DNER: variants seen among roughly 807,000 people sequenced by gnomAD.
DNER encodes the protein delta/notch like EGF repeat containing, also known as delta and Notch-like epidermal growth factor-related receptor.
DNER carries 33 observed loss-of-function variants against 78.2 expected under a neutral mutation model. The ratio of observed to expected loss-of-function variants is 0.42; its 90% CI spans 0.32 to 0.56. DNER has a LOEUF of 0.56. Among genes scored for constraint, DNER ranks in the 20% least tolerant of loss-of-function variants. The pLI, the probability that DNER is intolerant of heterozygous loss-of-function variation, is 0.11. For synonymous variants in DNER, 417 were observed against 384.8 expected (o/e 1.08, Z -0.98); for missense variants, 918 against 975.3 (o/e 0.94, Z 0.78).
intron 6 of DNER, among the ~76,000 whole-genome samples, chr2:229,477,985 A>G (rs1415857385): frequency 6.6e-6 from 1 of 152,246 alleles, no homozygotes; most frequent in Non-Finnish European, 1.5e-5. Flanking sequence ...ATACTTCCAG[A>G]ATTTTGTTTA....
chr2:229,568,985 ATG>A (rs576619467), intron 4 of DNER, among the ~76,000 whole-genome samples: 51 of 152,252 alleles, frequency 3.3e-4, no homozygotes, highest in African/African-American at 1.1e-3. Flanking sequence ...ATGTGTATCT[ATG>A]TGTGTGCATA....
chr2:229,551,949 T>TAAATAAATAAATAAATA (rs1482741858), intron 4 of DNER, among the ~76,000 whole-genome samples: 3 of 150,938 alleles, frequency 2.0e-5, no homozygotes, highest in African/African-American at 7.4e-5. Context: ...AATAAATAAA[T>TAAATAAATAAATAAATA]AAATAAATAA....
intron 6 of DNER, among the ~76,000 whole-genome samples, chr2:229,491,807 C>T (rs1039303575): frequency 6.6e-6 from 1 of 152,044 alleles, no homozygotes; most frequent in Admixed American, 6.6e-5. Context: ...TGGTAAAATC[C>T]CATCTCAATT....
At chr2:229,643,638 T>C (rs1000776499) in intron 1 of DNER, among the ~76,000 whole-genome samples, 3 of 152,210 alleles carry the variant, frequency 2.0e-5, no homozygotes, top group Non-Finnish European at 4.4e-5. Context: ...ATGATCATGA[T>C]AGTAACAATG....
At chr2:229,463,829 T>C (rs1160283710) in intron 7 of DNER, among the ~76,000 whole-genome samples, 1 of 152,174 alleles carries the variant, frequency 6.6e-6, no homozygotes, top group East Asian at 1.9e-4. Flanking sequence ...AGCTCATTCT[T>C]GTACAGAGGA....
chr2:229,451,591 A>G (rs1694458014), intron 7 of DNER, among the ~76,000 whole-genome samples: 1 of 152,256 alleles, frequency 6.6e-6, no homozygotes, highest in South Asian at 2.1e-4. Context: ...TGTAAGAACT[A>G]TAATAGCCCT....
intron 6 of DNER, among the ~76,000 whole-genome samples, chr2:229,494,013 A>T (rs779991881): frequency 3.3e-4 from 51 of 152,340 alleles, no homozygotes; most frequent in Admixed American, 6.5e-4. Context: ...AACTTCGGGC[A>T]ATAAGCTACA....
intron 7 of DNER, among the ~76,000 whole-genome samples, chr2:229,456,122 T>A (rs1359008245): frequency 6.6e-6 from 1 of 151,944 alleles, no homozygotes; most frequent in East Asian, 1.9e-4. Flanking sequence ...TGTACAGGAA[T>A]CATGGTGCCA....
chr2:229,394,248 C>T (rs1693082552), intron 10 of DNER, among the ~76,000 whole-genome samples: 1 of 152,142 alleles, frequency 6.6e-6, no homozygotes, highest in Non-Finnish European at 1.5e-5. Context: ...TGTTATTGTA[C>T]TTCGATTGTC....
chr2:229,392,458 A>G (rs1352307947), intron 10 of DNER, among the ~76,000 whole-genome samples: 2 of 152,016 alleles, frequency 1.3e-5, no homozygotes, highest in Non-Finnish European at 2.9e-5. Flanking sequence ...AGGCCAAGGT[A>G]GCTGTAATTT....
intron 1 of DNER, among the ~76,000 whole-genome samples, chr2:229,657,283 C>T (rs968626653): frequency 6.6e-6 from 1 of 152,112 alleles, no homozygotes; most frequent in Non-Finnish European, 1.5e-5. Flanking sequence ...TAATGTCCTC[C>T]AGGTTCATCC....
intron 4 of DNER, among the ~76,000 whole-genome samples, chr2:229,584,807 G>A (rs939841837): frequency 6.6e-6 from 1 of 151,304 alleles, no homozygotes; most frequent in Admixed American, 6.6e-5. Context: ...GATGGCACAT[G>A]CCTGTAGTCC....
Position 229,367,042 on chromosome 2 carries a change from C to T in DNER, c.1933G>A (p.Ala645Thr), listed in dbSNP as rs1460647135. 2.5e-6 allele frequency: 4 copies of T among 1,613,934 alleles called. No homozygotes were observed. Among genetic ancestry groups the T allele is most frequent in the Admixed American group, 1.7e-5 (1 of 59,998 alleles). Residue 645 changes from alanine (A) to threonine (T), a missense_variant, in exon 12 of 13, where the codon GCC becomes ACC. Ala to Thr is a moderately conservative substitution (Grantham distance 58). Transcript: ENST00000341772. ...ATAAGGATGAAGGCCACGCAGAGGG[C>T]TCCAATGATGATGTAGAGGGAGTGC... ...PRHSLYIIIGALCVAFILMLI... is the reference protein window; with the variant it reads ...PRHSLYIIIGTLCVAFILMLI...
intron 5 of DNER, among the ~76,000 whole-genome samples, chr2:229,536,596 T>C (rs1345839433): frequency 1.3e-5 from 2 of 152,142 alleles, no homozygotes; most frequent in African/African-American, 4.8e-5. Flanking sequence ...GGTATAAGCA[T>C]TCCAGGGGGA....
At chr2:229,395,601 A>G (rs1254369343) in intron 10 of DNER, among the ~76,000 whole-genome samples, 1 of 152,176 alleles carries the variant, frequency 6.6e-6, no homozygotes, top group African/African-American at 2.4e-5. Context: ...TGCATGCTTT[A>G]AAGGGCTCCA....
intron 4 of DNER, among the ~76,000 whole-genome samples, chr2:229,570,911 G>T (rs560946736): frequency 6.5e-4 from 99 of 152,226 alleles, no homozygotes; most frequent in Non-Finnish European, 1.1e-3. Flanking sequence ...AGAATTAAGG[G>T]GCAGACATGG....
intron 1 of DNER, among the ~76,000 whole-genome samples, chr2:229,713,157 A>G (rs73097232): frequency 0.15 from 22,657 of 152,180 alleles, 1,838 homozygotes; most frequent in African/African-American, 0.21. Context: ...GTTTAATGTA[A>G]TCATTTCAGA....
intron 1 of DNER, among the ~76,000 whole-genome samples, chr2:229,698,197 C>A (rs968616274): frequency 1.3e-5 from 2 of 151,992 alleles, no homozygotes; most frequent in Non-Finnish European, 2.9e-5. Context: ...GGTGACAGAG[C>A]GAGACTCTGT....
chr2:229,548,097 T>C (rs867948844), intron 4 of DNER, among the ~76,000 whole-genome samples: 1 of 152,140 alleles, frequency 6.6e-6, no homozygotes, highest in Non-Finnish European at 1.5e-5. Context: ...GCCACATTCA[T>C]AGATAGTTTT....
Sources: gnomAD v4.1 joint callset for allele counts (sites outside exome capture counted in the v4.1 genomes callset) on GRCh38, gnomAD v4.1.1 for gene constraint, MANE v1.5 for transcripts, NCBI Gene and HGNC (gene_info 2026-07-23, HGNC 2026-07-21) for gene names.